Variants in SLC25A26 observed in about 807,000 individuals in gnomAD.
The protein encoded by SLC25A26 is mitochondrial S-adenosylmethionine carrier protein.
A neutral mutation model predicts 37.8 loss-of-function variants in SLC25A26; 36 were observed. The observed-to-expected ratio is 0.95, with a 90% CI of 0.73 to 1.26. SLC25A26 has a LOEUF of 1.26. Among genes scored for constraint, SLC25A26 ranks in the 50% most tolerant of loss-of-function variants. The pLI is 0.00. For missense variants in SLC25A26, 390 were observed against 331.1 expected, an observed-to-expected ratio of 1.18 and a Z score of -1.38; for synonymous variants, 129 against 122.5, an observed-to-expected ratio of 1.05 and a Z score of -0.35.
At chr3:66,245,447 AC>A (rs2072787613) in intron 3 of SLC25A26, among the ~76,000 whole-genome samples, 1 of 152,044 alleles carries the variant, frequency 6.6e-6, no homozygotes, top group Admixed American at 6.6e-5. Flanking sequence ...GTCTTATTAA[AC>A]CCCCATCCTT....
intron 5 of SLC25A26, among the ~76,000 whole-genome samples, chr3:66,281,332 G>A (rs1421381672): frequency 3.3e-5 from 5 of 150,982 alleles, no homozygotes; most frequent in Non-Finnish European, 7.4e-5. Context: ...ATGTTAAGAG[G>A]CAATCTATGC....
At chr3:66,300,247 T>TTTTG in intron 5 of SLC25A26, among the ~76,000 whole-genome samples, 1 of 140,286 alleles carries the variant, frequency 7.1e-6, no homozygotes, top group East Asian at 2.0e-4. Context: ...GCTAGGGTTT[T>TTTTG]TTTGTTTTGT....
chr3:66,271,634 A>G (rs988272363), intron 5 of SLC25A26, among the ~76,000 whole-genome samples: 1 of 152,094 alleles, frequency 6.6e-6, no homozygotes, highest in Admixed American at 6.6e-5. Context: ...AAGTCAGGCA[A>G]AGGGTGGACT....
At chr3:66,166,090 T>C (rs897381836) in intron 1 of SLC25A26, among the ~76,000 whole-genome samples, 3 of 152,208 alleles carry the variant, frequency 2.0e-5, no homozygotes, top group African/African-American at 7.2e-5. Context: ...TTCTGGCTTA[T>C]TTGCTCTGCT....
chr3:66,241,697 G>A (rs1230379921), intron 2 of SLC25A26, among the ~76,000 whole-genome samples: 1 of 152,100 alleles, frequency 6.6e-6, no homozygotes, highest in Non-Finnish European at 1.5e-5. Context: ...TGTGTGTGGT[G>A]TCTTTTTTCT....
At chr3:66,328,877 T>C (rs2075902775) in intron 5 of SLC25A26, among the ~76,000 whole-genome samples, 1 of 152,152 alleles carries the variant, frequency 6.6e-6, no homozygotes, top group Non-Finnish European at 1.5e-5. Context: ...AACATATCTT[T>C]AAGGAAAAAT....
intron 6 of SLC25A26, among the ~76,000 whole-genome samples, chr3:66,358,443 A>G (rs2076625430): frequency 6.6e-6 from 1 of 152,182 alleles, no homozygotes; most frequent in Non-Finnish European, 1.5e-5. Flanking sequence ...TTGTTCATTC[A>G]CTTGGATATT....
At chr3:66,279,946 A>G (rs995814059) in intron 5 of SLC25A26, among the ~76,000 whole-genome samples, 1 of 152,138 alleles carries the variant, frequency 6.6e-6, no homozygotes, top group Non-Finnish European at 1.5e-5. Context: ...TAAATGACAA[A>G]CATGTCATTT....
intron 5 of SLC25A26, among the ~76,000 whole-genome samples, chr3:66,336,173 G>C (rs914728421): frequency 2.6e-5 from 4 of 152,004 alleles, no homozygotes; most frequent in Non-Finnish European, 4.4e-5. Context: ...AAACATCTTT[G>C]GTACCAGAAA....
intron 6 of SLC25A26, among the ~76,000 whole-genome samples, chr3:66,346,825 T>TG (rs1314132507): frequency 6.6e-6 from 1 of 150,942 alleles, no homozygotes; most frequent in African/African-American, 2.4e-5. Context: ...CTTGAATACT[T>TG]GAAGACTGAG....
chr3:66,236,834 A>G (rs1298484609), intron 2 of SLC25A26, 134 bp downstream of exon 2: 14 of 644,110 alleles, frequency 2.2e-5, no homozygotes, highest in Non-Finnish European at 3.0e-5. Flanking sequence ...ACCTGGTGTC[A>G]TTATTATTTT....
chr3:66,220,955 T>A (rs962897980), upstream of SLC25A26: 10 of 884,882 alleles, frequency 1.1e-5, no homozygotes, highest in Non-Finnish European at 1.8e-5. Context: ...GCGTTGCACG[T>A]GCAGTTGTTG....
intron 1 of SLC25A26, among the ~76,000 whole-genome samples, chr3:66,235,080 C>A (rs958214654): frequency 1.1e-4 from 16 of 152,078 alleles, no homozygotes; most frequent in Admixed American, 6.5e-5. Flanking sequence ...GTCTTTTTCA[C>A]TAGTAAGTAG....
chr3:66,157,391 A>T (rs145470325), intron 1 of SLC25A26, among the ~76,000 whole-genome samples: 3 of 152,336 alleles, frequency 2.0e-5, no homozygotes, highest in Admixed American at 2.0e-4. Flanking sequence ...AGAGTTCCAG[A>T]CCAGTCTAGG....
chr3:66,289,238 G>A (rs554412500), intron 5 of SLC25A26, among the ~76,000 whole-genome samples: 3 of 152,178 alleles, frequency 2.0e-5, no homozygotes, highest in Admixed American at 6.5e-5. Flanking sequence ...TTGTCAGAGG[G>A]ATAGATTACA....
chr3:66,347,284 A>T (rs2076348685), intron 6 of SLC25A26, among the ~76,000 whole-genome samples: 1 of 152,214 alleles, frequency 6.6e-6, no homozygotes, highest in African/African-American at 2.4e-5. Context: ...CAAGAAAAAA[A>T]CAAAGAATCC....
chr3:66,169,079 C>T (rs1011690850), intron 1 of SLC25A26, among the ~76,000 whole-genome samples: 2 of 152,132 alleles, frequency 1.3e-5, no homozygotes, highest in African/African-American at 2.4e-5. Flanking sequence ...GAGCTATGAT[C>T]GCATTACTGC....
At chr3:66,284,239 C>T (rs182846961) in intron 5 of SLC25A26, among the ~76,000 whole-genome samples, 1 of 151,950 alleles carries the variant, frequency 6.6e-6, no homozygotes, top group East Asian at 1.9e-4. Context: ...GTCCCATTTA[C>T]TTGGGAGGCT....
intron 5 of SLC25A26, among the ~76,000 whole-genome samples, chr3:66,309,640 T>G (rs868531216): frequency 1.3e-5 from 2 of 152,192 alleles, no homozygotes; most frequent in South Asian, 4.1e-4. Flanking sequence ...CTGTGTGCAT[T>G]AGTGCTGTAA....
Sources: allele counts gnomAD v4.1 joint callset (sites outside exome capture counted in the v4.1 genomes callset), GRCh38; gene constraint gnomAD v4.1.1; transcripts MANE v1.5; gene names NCBI Gene and HGNC (gene_info 2026-07-23, HGNC 2026-07-21).